KCNJ6: variants seen among roughly 807,000 people sequenced by gnomAD.
The protein encoded by KCNJ6 is G protein-activated inward rectifier potassium channel 2.
In KCNJ6, 9 loss-of-function variants were observed where a neutral mutation model predicts 34.2. The observed-to-expected ratio is 0.26, with a 90% CI of 0.16 to 0.46. The LOEUF (loss-of-function observed/expected upper bound fraction) is 0.46, where lower values mean the gene tolerates loss of function less well. Among genes scored for constraint, KCNJ6 ranks in the 20% least tolerant of loss-of-function variants. KCNJ6 has a pLI of 1.00. For synonymous variants in KCNJ6, 196 were observed against 207.1 expected (o/e 0.95, Z 0.46); for missense variants, 236 against 531.3 (o/e 0.44, Z 5.46).
At chr21:37,813,932 A>C (rs1407075182) in intron 2 of KCNJ6, among the ~76,000 whole-genome samples, 3 of 150,880 alleles carry the variant, frequency 2.0e-5, no homozygotes, top group African/African-American at 7.3e-5. Flanking sequence ...AAGCTTTTGC[A>C]CAATGAAGGA....
At chr21:37,844,359 C>T (rs3787853) in intron 1 of KCNJ6, among the ~76,000 whole-genome samples, 79,212 of 151,790 alleles carry the variant, frequency 0.52, 20,795 homozygotes, top group East Asian at 0.67. Context: ...GCCCGGCCTA[C>T]TTTGCATATT....
intron 1 of KCNJ6, among the ~76,000 whole-genome samples, chr21:37,842,316 C>G (rs75221618): frequency 0.076 from 11,555 of 152,222 alleles, 479 homozygotes; most frequent in African/African-American, 0.098. Flanking sequence ...ATGCTGAGTA[C>G]AGTCTAGCAG....
intron 1 of KCNJ6, among the ~76,000 whole-genome samples, chr21:37,881,918 T>C (rs1230337405): frequency 6.6e-6 from 1 of 152,282 alleles, no homozygotes; most frequent in East Asian, 1.9e-4. Context: ...AGGGCAGTGC[T>C]AAGACCAACA....
At position 37,735,122 on chromosome 21, in the gene KCNJ6, C is replaced by T. The variant is rs996840282; in HGVS notation, c.26-19991G>A. 3.3e-5 allele frequency among the ~76,000 whole-genome samples: 5 copies of T among 152,104 alleles called. No individual in the cohort carries two copies. In the East Asian group the frequency reaches 9.7e-4, roughly 29 times the overall value. On this transcript the variant is annotated intron_variant, in intron 2 of 3. Coordinates refer to ENST00000609713, the MANE Select transcript of KCNJ6 (RefSeq NM_002240.5). ...GCGTGCACCGACTCCCGCTCCCTTC[C>T]CCTTGCCTCAGTAGAAAGAGACATG...
chr21:37,674,738 C>G (rs1199318105), intron 3 of KCNJ6, among the ~76,000 whole-genome samples: 1 of 151,880 alleles, frequency 6.6e-6, no homozygotes, highest in Non-Finnish European at 1.5e-5. Flanking sequence ...TGATTCCTTT[C>G]CTTTCTGCAC....
intron 1 of KCNJ6, among the ~76,000 whole-genome samples, chr21:37,865,099 T>A (rs915571): frequency 0.75 from 114,255 of 152,034 alleles, 43,191 homozygotes; most frequent in East Asian, 0.91. Flanking sequence ...CCTCCAGGAT[T>A]GAGCCCTAAT....
At chr21:37,763,239 T>C (rs571667586) in intron 2 of KCNJ6, among the ~76,000 whole-genome samples, 1 of 152,264 alleles carries the variant, frequency 6.6e-6, no homozygotes, top group Admixed American at 6.5e-5. Context: ...GGCAGCCTGC[T>C]TGTAGGGGGG....
intron 1 of KCNJ6, among the ~76,000 whole-genome samples, chr21:37,874,180 C>A (rs1268029922): frequency 6.6e-6 from 1 of 152,232 alleles, no homozygotes; most frequent in Non-Finnish European, 1.5e-5. Context: ...GATGTCATCA[C>A]TGGGGGAGGA....
chr21:37,704,224 G>A (rs186701364), intron 3 of KCNJ6, among the ~76,000 whole-genome samples: 4 of 132,376 alleles, frequency 3.0e-5, no homozygotes, highest in Admixed American at 7.8e-5. Flanking sequence ...CGGACCTCAC[G>A]AATCCTTAAC....
intron 2 of KCNJ6, among the ~76,000 whole-genome samples, chr21:37,764,595 T>G (rs964366004): frequency 6.6e-6 from 1 of 152,146 alleles, no homozygotes; most frequent in African/African-American, 2.4e-5. Context: ...GCCAGGCTGG[T>G]CTTGAACTCC....
chr21:37,746,516 G>A (rs1015462423), intron 2 of KCNJ6, among the ~76,000 whole-genome samples: 2 of 152,126 alleles, frequency 1.3e-5, no homozygotes, highest in Non-Finnish European at 2.9e-5. Flanking sequence ...AACAAATGTC[G>A]TTTTTATCAC....
chr21:37,769,035 G>T (rs570230309), intron 2 of KCNJ6, among the ~76,000 whole-genome samples: 4 of 152,318 alleles, frequency 2.6e-5, no homozygotes, highest in Admixed American at 6.5e-5. Context: ...TGTAAACATT[G>T]CACGCATGGT....
At position 37,609,954 on chromosome 21, in the gene KCNJ6, T is replaced by TTATCTAGAAGGCACCTACTCAC. The variant is rs1442381710; in HGVS notation, c.*15204_*15205insGTGAGTAGGTGCCTTCTAGATA. The TTATCTAGAAGGCACCTACTCAC allele has an allele frequency of 6.6e-6, 1 of 152,204 alleles. No individual in the cohort carries two copies. The highest frequency in any genetic ancestry group is 6.5e-5 in the Admixed American group (1 of 15,280). 9.4% of individuals were successfully genotyped at this position (152,204 alleles called of 1,614,324 possible). A position where few individuals can be genotyped will look rare whatever the true frequency, so the allele number is the denominator to read the frequency against. Reference sequence around the variant, plus strand: ...CAGTGCATGTCCAGTAGCACCTCATTTATCTAGAAGGCACCTACCTCACAG... The same window carrying TTATCTAGAAGGCACCTACTCAC: ...CAGTGCATGTCCAGTAGCACCTCATTTATCTAGAAGGCACCTACTCACTATCTAGAAGGCACCTACCTCACAG... On this transcript the variant is annotated 3_prime_UTR_variant, in exon 4 of 4. Coordinates refer to ENST00000609713, the MANE Select transcript of KCNJ6 (RefSeq NM_002240.5).
Position 37,615,741 on chromosome 21 carries a change from A to G in KCNJ6, c.*9418T>C, listed in dbSNP as rs1436829166. 6.6e-6 allele frequency: 1 copy of G among 152,238 alleles called. No homozygotes were observed. The highest frequency in any genetic ancestry group is 1.5e-5 in the Non-Finnish European group (1 of 68,030). The allele number at this position is 152,238 out of a possible 1,614,324, so 9.4% of individuals were successfully genotyped here. A position where few individuals can be genotyped will look rare whatever the true frequency, so the allele number is the denominator to read the frequency against. On this transcript the variant is annotated 3_prime_UTR_variant, in exon 4 of 4. Transcript: ENST00000609713. The stretch of plus-strand genomic sequence containing the variant: ...GCTTTTGTTTATATTTGTGCTTATT[A>G]AAACACTCCCTGTTCTGGACCAATC...
At chr21:37,821,643 G>A (rs761104057) in intron 2 of KCNJ6, among the ~76,000 whole-genome samples, 3 of 151,942 alleles carry the variant, frequency 2.0e-5, no homozygotes, top group East Asian at 3.9e-4. Flanking sequence ...GTTATCAGTC[G>A]TCCACTTAAC....
Position 37,853,846 on chromosome 21 carries a change from G to GTATATATATATA in KCNJ6, c.-27-13149_-27-13138dup, listed in dbSNP as rs144698876. 1.5e-3 allele frequency among the ~76,000 whole-genome samples: 179 copies of GTATATATATATA among 115,952 alleles called. 1 individual carries two copies. Among genetic ancestry groups the GTATATATATATA allele is most frequent in the African/African-American group, 3.2e-3 (81 of 25,106 alleles). The allele number at this position is 115,952 out of a possible 152,430, so 76.1% of individuals were successfully genotyped here. On this transcript the variant is annotated intron_variant, in intron 1 of 3. Coordinates refer to ENST00000609713, the MANE Select transcript of KCNJ6 (RefSeq NM_002240.5). ...GTAGTTAAGAGATACATATATATAT[G>GTATATATATATA]TATATATATATATATAAATTACATT...
intron 3 of KCNJ6, among the ~76,000 whole-genome samples, chr21:37,650,756 T>C (rs2123387246): frequency 6.6e-6 from 1 of 152,382 alleles, no homozygotes; most frequent in South Asian, 2.1e-4. Flanking sequence ...GGCATAAGTC[T>C]TCCTTCCCCA....
intron 3 of KCNJ6, among the ~76,000 whole-genome samples, chr21:37,641,945 G>T (rs1229491511): frequency 6.6e-6 from 1 of 152,188 alleles, no homozygotes; most frequent in Non-Finnish European, 1.5e-5. Context: ...TTATTCATGA[G>T]GGCCAGTTAG....
chr21:37,633,503 T>G (rs2054342917), intron 3 of KCNJ6, among the ~76,000 whole-genome samples: 1 of 151,874 alleles, frequency 6.6e-6, no homozygotes, highest in South Asian at 2.1e-4. Flanking sequence ...TACAATAATT[T>G]GATTCAAAAA....
Sources: gnomAD v4.1 joint callset for allele counts (sites outside exome capture counted in the v4.1 genomes callset) on GRCh38, gnomAD v4.1.1 for gene constraint, MANE v1.5 for transcripts, NCBI Gene and HGNC (gene_info 2026-07-23, HGNC 2026-07-21) for gene names.